The following NSUN4 variants were observed in gnomAD, a reference collection of about 807,000 sequenced individuals.
NSUN4 encodes the protein 5-cytosine rRNA methyltransferase NSUN4.
In NSUN4, 31 loss-of-function variants were observed where a neutral mutation model predicts 43.8. That is an observed-to-expected ratio of 0.71 (90% CI 0.53 to 0.96). The LOEUF is 0.96. Ranked by LOEUF, NSUN4 falls within the 40% of genes least tolerant of loss-of-function variation. NSUN4 has a pLI of 0.00. For synonymous variants in NSUN4, 167 were observed against 184.1 expected (o/e 0.91, Z 0.75); for missense variants, 439 against 475.6 (o/e 0.92, Z 0.72).
At chr1:46,361,143 T>A (rs1035477662) in intron 5 of NSUN4, among the ~76,000 whole-genome samples, 1 of 151,542 alleles carries the variant, frequency 6.6e-6, no homozygotes, top group Non-Finnish European at 1.5e-5. Context: ...CAAGACTCTG[T>A]CTCAAAAAAC....
chr1:46,347,529 A>G (rs2148374639), intron 3 of NSUN4, among the ~76,000 whole-genome samples: 1 of 152,230 alleles, frequency 6.6e-6, no homozygotes, highest in Non-Finnish European at 1.5e-5. Flanking sequence ...GTATTTTTTC[A>G]TTAGTTCCTC....
intron 1 of NSUN4, chr1:46,341,835 C>T: frequency 8.1e-7 from 1 of 1,232,800 alleles, no homozygotes; most frequent in Non-Finnish European, 1.0e-6. Flanking sequence ...CTGGATGAGT[C>T]CCTCCAGAAT....
chr1:46,360,880 A>G, intron 5 of NSUN4, 52 bp downstream of exon 5: 2 of 1,599,726 alleles, frequency 1.3e-6, no homozygotes, highest in Non-Finnish European at 1.7e-6. Flanking sequence ...GCTCTGGGAG[A>G]CTGGGGGACT....
intron 4 of NSUN4, among the ~76,000 whole-genome samples, chr1:46,358,300 TG>T (rs997742291): frequency 3.3e-5 from 5 of 152,072 alleles, no homozygotes; most frequent in African/African-American, 1.2e-4. Context: ...TTCGCCATGT[TG>T]GCCAGGCTGG....
chr1:46,352,144 C>T (rs1663040634), intron 3 of NSUN4, among the ~76,000 whole-genome samples: 2 of 131,038 alleles, frequency 1.5e-5, no homozygotes, highest in African/African-American at 2.7e-5. Flanking sequence ...GAGACCCTGT[C>T]TTTAAAAAAA....
chr1:46,347,593 G>T (rs935849979), intron 3 of NSUN4, among the ~76,000 whole-genome samples: 2 of 152,216 alleles, frequency 1.3e-5, no homozygotes, highest in African/African-American at 4.8e-5. Flanking sequence ...TCTGAAGTCA[G>T]ATTGAAGTAG....
intron 1 of NSUN4, chr1:46,343,871 A>G (rs1662296178): frequency 2.5e-6 from 1 of 400,554 alleles, no homozygotes; most frequent in Non-Finnish European, 4.4e-6. Context: ...AAGAGTCCCC[A>G]ACATAGCAGG....
downstream of NSUN4, among the ~76,000 whole-genome samples, chr1:46,365,812 C>T (rs541043217): frequency 5.3e-5 from 8 of 152,270 alleles, no homozygotes; most frequent in South Asian, 1.5e-3. Context: ...AGTACTAACA[C>T]TTAGGATTAT....
the NSUN4 span, among the ~76,000 whole-genome samples, chr1:46,374,829 A>G: frequency 6.6e-6 from 1 of 151,870 alleles, no homozygotes; most frequent in South Asian, 2.1e-4. Flanking sequence ...TAGTGAGTAT[A>G]TGAGTATATG....
chr1:46,354,863 G>A (rs1213119852), intron 4 of NSUN4, among the ~76,000 whole-genome samples: 1 of 152,038 alleles, frequency 6.6e-6, no homozygotes, highest in East Asian at 1.9e-4. Flanking sequence ...TAGAGACGGG[G>A]TTTCACCATG....
At chr1:46,376,096 TAAAAAAAAAAA>T in the NSUN4 span, among the ~76,000 whole-genome samples, 1 of 40,870 alleles carries the variant, frequency 2.4e-5, no homozygotes, top group Non-Finnish European at 3.9e-5. Context: ...AGAGCGAAAC[TAAAAAAAAAAA>T]AAAAAAAAAA....
chr1:46,369,470 G>C (rs556049467), downstream of NSUN4, among the ~76,000 whole-genome samples: 10 of 152,258 alleles, frequency 6.6e-5, no homozygotes, highest in African/African-American at 2.4e-4. Context: ...GTAATTACAA[G>C]TAAATTACAA....
chr1:46,351,463 T>G (rs934610116), intron 3 of NSUN4, among the ~76,000 whole-genome samples: 1 of 152,150 alleles, frequency 6.6e-6, no homozygotes, highest in Non-Finnish European at 1.5e-5. Context: ...CTAAATAAAC[T>G]GTAGTATCTA....
At chr1:46,375,218 C>A in the NSUN4 span, among the ~76,000 whole-genome samples, 6 of 151,642 alleles carry the variant, frequency 4.0e-5, no homozygotes, top group East Asian at 2.0e-4. Context: ...GGTGGATCAC[C>A]TGAGGTTGGG....
rs114042864 is a variant in NSUN4 at position 46,344,373 on chromosome 1, G to A, written c.94-428G>A. 30 of 171,528 alleles carry A rather than the reference G, an allele frequency of 1.7e-4. 1 individual carries two copies. Among genetic ancestry groups the A allele is most frequent in the African/African-American group, 6.9e-4 (29 of 42,274 alleles). The allele number at this position is 171,528 out of a possible 1,614,324, so 10.6% of individuals were successfully genotyped here. ...ATCTTACTGAGCTATCAGTTGTAGT[G>A]CTCACATAAGCTAGTAGACATGAAA... On this transcript the variant is annotated intron_variant, in intron 1 of 5. Coordinates refer to ENST00000474844, the MANE Select transcript of NSUN4 (RefSeq NM_199044.4).
intron 1 of NSUN4, 28 bp from the exon 2 acceptor site, chr1:46,344,773 A>T: frequency 6.3e-7 from 1 of 1,590,470 alleles, no homozygotes; most frequent in African/African-American, 1.3e-5. Flanking sequence ...GACTGGGAAA[A>T]CCAATAAGCC....
At chr1:46,374,142 T>C in the NSUN4 span, among the ~76,000 whole-genome samples, 31,295 of 151,144 alleles carry the variant, frequency 0.21, 3,962 homozygotes, top group Non-Finnish European at 0.29. Flanking sequence ...CAAAAATAGC[T>C]GGGCGTGGTG....
At chr1:46,342,413 C>A (rs1375196399) in intron 1 of NSUN4, 3 of 399,010 alleles carry the variant, frequency 7.5e-6, no homozygotes, top group Admixed American at 4.4e-5. Context: ...CCCATCTTTC[C>A]TCAGAGGCCT....
rs186984066 is a variant in NSUN4 at position 46,363,146 on chromosome 1, G to A, written c.*1300G>A. Reference sequence around the variant, plus strand: ...GCTCATCCTTATTTGGGTATTAGAGGTGTCAGTTGAGGAGGGACTTTAGCT... The same window carrying A: ...GCTCATCCTTATTTGGGTATTAGAGATGTCAGTTGAGGAGGGACTTTAGCT... On this transcript the variant is annotated 3_prime_UTR_variant, in exon 6 of 6. Coordinates refer to ENST00000474844, the MANE Select transcript of NSUN4 (RefSeq NM_199044.4). 1.3e-4 allele frequency: 20 copies of A among 152,094 alleles called. No individual in the cohort carries two copies. Among genetic ancestry groups the A allele is most frequent in the Admixed American group, 1.2e-3 (19 of 15,272 alleles). 9.4% of individuals were successfully genotyped at this position (152,094 alleles called of 1,614,324 possible). A position where few individuals can be genotyped will look rare whatever the true frequency, so the allele number is the denominator to read the frequency against.
Sources: allele counts gnomAD v4.1 joint callset (sites outside exome capture counted in the v4.1 genomes callset), GRCh38; gene constraint gnomAD v4.1.1; transcripts MANE v1.5; gene names NCBI Gene and HGNC (gene_info 2026-07-23, HGNC 2026-07-21).